B3GLCT: variants seen among roughly 807,000 people sequenced by gnomAD.
B3GLCT encodes beta 3-glucosyltransferase.
A neutral mutation model predicts 63.4 loss-of-function variants in B3GLCT; 65 were observed. The observed-to-expected ratio is 1.03, with a 90% CI of 0.84 to 1.26. The LOEUF (loss-of-function observed/expected upper bound fraction) is 1.26. Ranked by LOEUF, B3GLCT falls within the 50% of genes most tolerant of loss-of-function variation. The pLI is 0.00. For synonymous variants in B3GLCT, 233 were observed against 219.2 expected, an observed-to-expected ratio of 1.06 and a Z score of -0.55; for missense variants, 577 against 604.8, an observed-to-expected ratio of 0.95 and a Z score of 0.48.
intron 13 of B3GLCT, among the ~76,000 whole-genome samples, chr13:31,321,061 A>T (rs1875306512): frequency 6.6e-6 from 1 of 152,262 alleles, no homozygotes; most frequent in African/African-American, 2.4e-5. Context: ...TTTGAAGGCA[A>T]CACCTGTGTG....
At chr13:31,291,398 A>C (rs979827710) in intron 12 of B3GLCT, among the ~76,000 whole-genome samples, 1 of 152,188 alleles carries the variant, frequency 6.6e-6, no homozygotes. Flanking sequence ...ATTGCATTGA[A>C]TCTGTAAATT....
intron 9 of B3GLCT, among the ~76,000 whole-genome samples, chr13:31,276,296 CT>C (rs1363384072): frequency 2.6e-5 from 4 of 152,210 alleles, no homozygotes; most frequent in Admixed American, 6.5e-5. Flanking sequence ...AAAATCCCCC[CT>C]ATTTCTCTCT....
Position 31,301,665 on chromosome 13 carries a change from CCT to C in B3GLCT, c.1064+14853_1064+14854del, listed in dbSNP as rs1193895886. On this transcript the variant is annotated intron_variant, in intron 12 of 14. Transcript: ENST00000343307. ...CTGGAGTCCCACCAGGAGACCCTGG[CCT>C]CTCTCTTAATTGTTACCTTGATTAA... Among the ~76,000 whole-genome samples the C allele has an allele frequency of 2.0e-5, 3 of 152,182 alleles. No individual in the cohort carries two copies. The East Asian group carries it at 5.8e-4, about 29-fold the overall frequency.
chr13:31,232,259 T>G (rs1369509658), intron 4 of B3GLCT, among the ~76,000 whole-genome samples: 1 of 152,220 alleles, frequency 6.6e-6, no homozygotes, highest in African/African-American at 2.4e-5. Context: ...AAGAAATATC[T>G]GAGACTGGGT....
Position 31,228,523 on chromosome 13 carries a change from G to C in B3GLCT, c.161-662G>C, listed in dbSNP as rs1017874672. Among the ~76,000 whole-genome samples the C allele has an allele frequency of 2.0e-5, 3 of 152,310 alleles. 1 individual carries two copies. The highest frequency in any genetic ancestry group is 2.0e-4 in the Admixed American group (3 of 15,310). ...TTGGTTCCTTCTGAGAGCTGGGAAG[G>C]AAGGATCTGTTCCAGGCCTCTGTCT... is the stretch of plus-strand genomic sequence containing the variant. On this transcript the variant is annotated intron_variant, in intron 3 of 14. Coordinates refer to ENST00000343307, the MANE Select transcript of B3GLCT (RefSeq NM_194318.4).
At chr13:31,230,885 G>C (rs2137774679) in intron 4 of B3GLCT, among the ~76,000 whole-genome samples, 1 of 152,250 alleles carries the variant, frequency 6.6e-6, no homozygotes, top group East Asian at 1.9e-4. Flanking sequence ...GTGTGCGCCT[G>C]TAGTCCCAGC....
At chr13:31,284,817 G>A in intron 11 of B3GLCT, 56 bp downstream of exon 11, 1 of 1,003,168 alleles carries the variant, frequency 1.0e-6, no homozygotes, top group African/African-American at 1.6e-5. Flanking sequence ...TGTAAATACA[G>A]TAAATTAGGT....
At chr13:31,321,837 CA>C (rs1227232616) in intron 13 of B3GLCT, among the ~76,000 whole-genome samples, 3 of 18,608 alleles carry the variant, frequency 1.6e-4, no homozygotes, top group Non-Finnish European at 1.2e-3. Context: ...ATTGAATGAC[CA>C]TTTTTTTTTT....
chr13:31,208,626 C>CCCG (rs1555243820), intron 1 of B3GLCT, among the ~76,000 whole-genome samples: 4 of 101,030 alleles, frequency 4.0e-5, no homozygotes, highest in Non-Finnish European at 6.9e-5. Context: ...GTGGCCCCCC[C>CCCG]CCCCCGCTCA....
intron 2 of B3GLCT, among the ~76,000 whole-genome samples, chr13:31,220,117 T>G (rs1376537003): frequency 1.3e-5 from 2 of 152,206 alleles, no homozygotes; most frequent in Non-Finnish European, 2.9e-5. Flanking sequence ...TCTCATTATT[T>G]TATTCAGAAT....
chr13:31,294,201 C>T (rs1456154186), intron 12 of B3GLCT, among the ~76,000 whole-genome samples: 1 of 152,184 alleles, frequency 6.6e-6, no homozygotes, highest in Non-Finnish European at 1.5e-5. Flanking sequence ...ATGGACTTCC[C>T]TTTGTGGGTG....
chr13:31,291,796 A>G (rs1873674932), intron 12 of B3GLCT, among the ~76,000 whole-genome samples: 1 of 152,186 alleles, frequency 6.6e-6, no homozygotes, highest in Admixed American at 6.5e-5. Context: ...TCCTATTTGA[A>G]TATCCATTAT....
chr13:31,324,618 T>G (rs951398913), intron 14 of B3GLCT, among the ~76,000 whole-genome samples: 2 of 152,194 alleles, frequency 1.3e-5, no homozygotes, highest in African/African-American at 2.4e-5. Flanking sequence ...CCATCTAATA[T>G]CCTCCTCAAG....
intron 1 of B3GLCT, among the ~76,000 whole-genome samples, chr13:31,201,385 A>G (rs1326944487): frequency 6.6e-6 from 1 of 152,218 alleles, no homozygotes; most frequent in Non-Finnish European, 1.5e-5. Context: ...TACATGCATG[A>G]TTAATTAGGC....
At chr13:31,266,090 C>CG (rs1488102997) in intron 7 of B3GLCT, among the ~76,000 whole-genome samples, 1 of 152,124 alleles carries the variant, frequency 6.6e-6, no homozygotes, top group Non-Finnish European at 1.5e-5. Flanking sequence ...GTTCCACCCC[C>CG]GGGTTCACGC....
chr13:31,247,819 C>T (rs1871261859), intron 5 of B3GLCT, 36 bp from the exon 6 acceptor site: 2 of 1,074,752 alleles, frequency 1.9e-6, no homozygotes, highest in African/African-American at 3.1e-5. Context: ...ACTTATTTTA[C>T]AGAAGTGATT....
At chr13:31,283,743 T>C (rs755289167) in intron 10 of B3GLCT, among the ~76,000 whole-genome samples, 7 of 152,184 alleles carry the variant, frequency 4.6e-5, no homozygotes, top group Non-Finnish European at 1.0e-4. Context: ...AGTTTTTGTA[T>C]ATATTTCTAT....
chr13:31,271,131 G>T (rs970423960), intron 8 of B3GLCT, among the ~76,000 whole-genome samples: 10 of 152,246 alleles, frequency 6.6e-5, no homozygotes, highest in African/African-American at 2.2e-4. Flanking sequence ...AACCCCCTGT[G>T]CAGGTTCCCA....
chr13:31,290,940 C>T (rs1030123073), intron 12 of B3GLCT, among the ~76,000 whole-genome samples: 2 of 152,190 alleles, frequency 1.3e-5, no homozygotes, highest in African/African-American at 4.8e-5. Flanking sequence ...TTGCCCATGC[C>T]TATGTCCTGA....
Sources: allele counts gnomAD v4.1 joint callset (sites outside exome capture counted in the v4.1 genomes callset), GRCh38; gene constraint gnomAD v4.1.1; transcripts MANE v1.5; gene names NCBI Gene and HGNC (gene_info 2026-07-23, HGNC 2026-07-21).